Variants in FGFR2 observed in about 807,000 individuals in gnomAD.
FGFR2 encodes the protein BEK fibroblast growth factor receptor.
In FGFR2, 19 loss-of-function variants were observed where a neutral mutation model predicts 95.9. The observed-to-expected ratio is 0.20, with a 90% CI of 0.14 to 0.29. FGFR2 has a LOEUF of 0.29. Among genes scored for constraint, FGFR2 ranks in the 10% least tolerant of loss-of-function variants. The pLI is 1.00. For missense variants in FGFR2, 707 were observed against 1,056.9 expected (o/e 0.67, Z 4.59); for synonymous variants, 392 against 393.3 (o/e 1.00, Z 0.04).
intron 6 of FGFR2, among the ~76,000 whole-genome samples, chr10:121,537,638 T>C (rs1178702852): frequency 6.6e-6 from 1 of 152,124 alleles, no homozygotes. Context: ...TTACCAACAG[T>C]CACATTACGG....
At chr10:121,490,216 T>G (rs1845960236) in intron 13 of FGFR2, among the ~76,000 whole-genome samples, 1 of 134,950 alleles carries the variant, frequency 7.4e-6, no homozygotes, top group African/African-American at 2.8e-5. Context: ...CAGGCTAGAG[T>G]GCAGTGGCAC....
intron 4 of FGFR2, among the ~76,000 whole-genome samples, chr10:121,560,255 C>A (rs1290641162): frequency 6.6e-6 from 1 of 152,168 alleles, no homozygotes; most frequent in African/African-American, 2.4e-5. Flanking sequence ...GCAGCCAGCA[C>A]AGAGCCTGTC....
At chr10:121,572,443 A>G (rs11200011) in intron 2 of FGFR2, among the ~76,000 whole-genome samples, 15,683 of 152,204 alleles carry the variant, frequency 0.1, 1,079 homozygotes, top group Non-Finnish European at 0.16. Flanking sequence ...CAACATGGTG[A>G]AACCCATCTC....
At chr10:121,486,587 A>G (rs1313307162) in intron 15 of FGFR2, among the ~76,000 whole-genome samples, 2 of 152,172 alleles carry the variant, frequency 1.3e-5, no homozygotes, top group Non-Finnish European at 2.9e-5. Context: ...GATTACAGAC[A>G]CGCATAACTA....
intron 9 of FGFR2, among the ~76,000 whole-genome samples, chr10:121,511,699 C>T (rs932130340): frequency 6.6e-6 from 1 of 152,146 alleles, no homozygotes; most frequent in African/African-American, 2.4e-5. Flanking sequence ...ACATGAGCCT[C>T]CATCAAAGGA....
rs146571201 is a variant in FGFR2, at chr10:121,485,512, A to G, written c.2078T>C (p.Met693Thr). The G allele has an allele frequency of 1.2e-6, 2 of 1,613,908 alleles. No homozygotes were observed. The highest frequency in any genetic ancestry group is 1.7e-6 in the Non-Finnish European group (2 of 1,179,934). The change falls in exon 16 of 18, where the codon ATG becomes ACG. Residue 693 changes from methionine to threonine, a missense_variant. Around this residue, in one of 7 missense-constraint regions of FGFR2, gnomAD observed 104 missense variants for 214.2 expected, o/e 0.49. Coordinates refer to ENST00000358487, the MANE Select transcript of FGFR2 (RefSeq NM_000141.5). This position sits in a 1 kb window ranked among gnomAD's most constrained non-coding sequence, Gnocchi z 4.2. ...QSDVWSFGVL[M>T]WEIFTLGGSP... ...GCCCCCTAAAGTGAAGATCTCCCAC[A>G]TTAACACCCCGAAGGACCAGCTGCA...
chr10:121,596,179 A>G (rs1430653326), intron 1 of FGFR2, among the ~76,000 whole-genome samples: 5 of 152,110 alleles, frequency 3.3e-5, no homozygotes, highest in Non-Finnish European at 5.9e-5. Context: ...CTCTCTTCTC[A>G]GCCTGCACGC....
intron 2 of FGFR2, among the ~76,000 whole-genome samples, chr10:121,566,859 T>C (rs1857747250): frequency 6.6e-6 from 1 of 152,016 alleles, no homozygotes; most frequent in South Asian, 2.1e-4. Context: ...TTCCCAGATA[T>C]GCAGCACGGG....
chr10:121,510,264 G>A (rs142915853), intron 9 of FGFR2, among the ~76,000 whole-genome samples: 78 of 152,272 alleles, frequency 5.1e-4, no homozygotes, highest in Middle Eastern at 6.8e-3. Flanking sequence ...GAGCCATGAC[G>A]CACCAGCCCC....
At chr10:121,514,558 T>A (rs987262379) in intron 9 of FGFR2, among the ~76,000 whole-genome samples, 6 of 152,220 alleles carry the variant, frequency 3.9e-5, no homozygotes, top group African/African-American at 1.4e-4. Flanking sequence ...CATACAATTC[T>A]ATTGTAAATT....
Position 121,496,428 on chromosome 10 carries a change from T to C in FGFR2, c.1863+104A>G, listed in dbSNP as rs571789744. 438 of 1,082,784 alleles carry C rather than the reference T, an allele frequency of 4.0e-4. 1 individual carries two copies. Among genetic ancestry groups the C allele is most frequent in the Middle Eastern group, 1.6e-3 (7 of 4,290 alleles). 67.1% of individuals were successfully genotyped at this position (1,082,784 alleles called of 1,614,324 possible). A position where few individuals can be genotyped will look rare whatever the true frequency, so the allele number is the denominator to read the frequency against. ...AATATTTTCCAGGTTGTACAAGACA[T>C]GCGAGGGCTTGATCTAGCAAATGAG... On this transcript the variant is annotated intron_variant, in intron 13 of 17. Transcript: ENST00000358487.
intron 13 of FGFR2, among the ~76,000 whole-genome samples, chr10:121,493,017 CA>C (rs1239336461): frequency 2.0e-5 from 3 of 152,116 alleles, no homozygotes; most frequent in Admixed American, 2.0e-4. Flanking sequence ...CTCCACTCTT[CA>C]GACCTACAAG....
In FGFR2 at chr10:121,593,909, A is replaced by G. The variant is rs1407424032; in HGVS notation, c.-92T>C. ...TCCTCTACGGGCATGGACTACGCGC[A>G]ATGCCTTCAGCCTGCGGTGGGCTCA... On this transcript the variant is annotated 5_prime_UTR_variant, in exon 2 of 18. Coordinates refer to ENST00000358487, the MANE Select transcript of FGFR2 (RefSeq NM_000141.5). 2 of 1,190,190 alleles carry G rather than the reference A, an allele frequency of 1.7e-6. No homozygotes were observed. Among genetic ancestry groups the G allele is most frequent in the Middle Eastern group, 1.9e-4 (1 of 5,248 alleles). 73.7% of individuals were successfully genotyped at this position (1,190,190 alleles called of 1,614,324 possible).
At chr10:121,523,019 G>C (rs1218741751) in intron 6 of FGFR2, among the ~76,000 whole-genome samples, 1 of 152,180 alleles carries the variant, frequency 6.6e-6, no homozygotes, top group African/African-American at 2.4e-5. Flanking sequence ...GAATTTGTTG[G>C]ACAAGAGCCA....
Position 121,524,099 on chromosome 10 carries a change from T to TACACACACACAC in FGFR2, c.749-3931_749-3930insGTGTGTGTGTGT, listed in dbSNP as rs1491543645. Reference sequence around the variant, plus strand: ...TTATTCCAATGCTATCCCGGCTATGTATACACACACACACACACACACACA... The same window carrying TACACACACACAC: ...TTATTCCAATGCTATCCCGGCTATGTACACACACACACATACACACACACACACACACACACA... On this transcript the variant is annotated intron_variant, in intron 6 of 17. Transcript: ENST00000358487. Among the ~76,000 whole-genome samples the TACACACACACAC allele has an allele frequency of 8.0e-5, 11 of 137,286 alleles. 1 individual carries two copies. Among genetic ancestry groups the TACACACACACAC allele is most frequent in the Admixed American group, 7.2e-5 (1 of 13,976 alleles). The allele number at this position is 137,286 out of a possible 152,430, so 90.1% of individuals were successfully genotyped here.
At chr10:121,555,442 CTT>C (rs143828919) in intron 4 of FGFR2, among the ~76,000 whole-genome samples, 3,229 of 152,260 alleles carry the variant, frequency 0.021, 129 homozygotes, top group African/African-American at 0.073. Context: ...TTTCCCTGAA[CTT>C]TATATACCTT....
intron 2 of FGFR2, among the ~76,000 whole-genome samples, chr10:121,589,054 A>G (rs1862242921): frequency 6.6e-6 from 1 of 152,230 alleles, no homozygotes; most frequent in South Asian, 2.1e-4. Flanking sequence ...AACTTCCAAA[A>G]AATAATTTCT....
intron 9 of FGFR2, among the ~76,000 whole-genome samples, chr10:121,514,672 T>TAAA (rs1311602765): frequency 6.6e-6 from 1 of 152,190 alleles, no homozygotes; most frequent in Non-Finnish European, 1.5e-5. Context: ...ATCTTGACTT[T>TAAA]AAAAAATAAG....
chr10:121,505,618 C>T (rs891766408), intron 9 of FGFR2, among the ~76,000 whole-genome samples: 4 of 152,168 alleles, frequency 2.6e-5, no homozygotes, highest in Non-Finnish European at 5.9e-5. Context: ...CTGGGGAATC[C>T]GTCCTGCTCC....
Sources: allele counts gnomAD v4.1 joint callset (sites outside exome capture counted in the v4.1 genomes callset), GRCh38; gene constraint gnomAD v4.1.1; regional missense constraint gnomAD v4.1.1; non-coding constraint Gnocchi (gnomAD v3.1); transcripts MANE v1.5; gene names NCBI Gene and HGNC (gene_info 2026-07-23, HGNC 2026-07-21).